Variants in ITGB6 observed in about 807,000 individuals in gnomAD.
The protein encoded by ITGB6 is integrin subunit beta 6.
In ITGB6, 80 loss-of-function variants were observed where a neutral mutation model predicts 84.5. The observed-to-expected ratio is 0.95, with a 90% CI of 0.79 to 1.14. ITGB6 has a LOEUF of 1.14. Among genes scored for constraint, ITGB6 ranks in the 50% most tolerant of loss-of-function variants. ITGB6 has a pLI of 0.00. For synonymous variants in ITGB6, 383 were observed against 354.9 expected (o/e 1.08, Z -0.89); for missense variants, 1,006 against 968.0 (o/e 1.04, Z -0.52).
intron 9 of ITGB6, 85 bp from the exon 10 acceptor site, chr2:160,137,936 A>C: frequency 6.5e-7 from 1 of 1,543,256 alleles, no homozygotes; most frequent in South Asian, 1.2e-5. Flanking sequence ...AGCTTTGCCA[A>C]AAGCATTTAC....
At chr2:160,181,280 T>C (rs1487948035) in intron 4 of ITGB6, among the ~76,000 whole-genome samples, 3 of 152,142 alleles carry the variant, frequency 2.0e-5, no homozygotes, top group African/African-American at 4.8e-5. Context: ...GAAGTCGACC[T>C]GGGACACTGG....
chr2:160,106,527 C>T (rs1696915049), intron 14 of ITGB6, among the ~76,000 whole-genome samples: 1 of 152,232 alleles, frequency 6.6e-6, no homozygotes, highest in Non-Finnish European at 1.5e-5. Flanking sequence ...TGTGAGCCAC[C>T]ATGCCCAGCC....
At chr2:160,102,010 T>C (rs1250498178) in intron 14 of ITGB6, among the ~76,000 whole-genome samples, 176 bp from the exon 15 acceptor site, 1 of 152,250 alleles carries the variant, frequency 6.6e-6, no homozygotes, top group Non-Finnish European at 1.5e-5. Context: ...CATTTTCATT[T>C]TGTTAAATAT....
At chr2:160,107,552 A>G in intron 14 of ITGB6, 127 bp downstream of exon 14, 2 of 816,786 alleles carry the variant, frequency 2.4e-6, no homozygotes, top group Non-Finnish European at 4.0e-6. Flanking sequence ...TGTTGGAGTC[A>G]TGGCGAGAGT....
chr2:160,109,734 A>G (rs1439989022), intron 13 of ITGB6, among the ~76,000 whole-genome samples: 1 of 152,218 alleles, frequency 6.6e-6, no homozygotes, highest in African/African-American at 2.4e-5. Flanking sequence ...AATGTGGCCC[A>G]TCGAGTCCAG....
At chr2:160,106,182 T>C (rs546046763) in intron 14 of ITGB6, among the ~76,000 whole-genome samples, 1 of 152,326 alleles carries the variant, frequency 6.6e-6, no homozygotes, top group South Asian at 2.1e-4. Context: ...CCATACTTAT[T>C]TGCTATCATT....
chr2:160,172,867 A>G, intron 5 of ITGB6, 137 bp from the exon 6 acceptor site: 1 of 576,920 alleles, frequency 1.7e-6, no homozygotes, highest in South Asian at 3.0e-5. Flanking sequence ...TCTATCGTGA[A>G]TTGATAATAT....
At chr2:160,134,163 C>T (rs1381961910) in intron 10 of ITGB6, among the ~76,000 whole-genome samples, 5 of 151,938 alleles carry the variant, frequency 3.3e-5, no homozygotes, top group Non-Finnish European at 7.4e-5. Context: ...ACTAGCAAGA[C>T]TAATAAAGAA....
At chr2:160,199,412 AG>A (rs1686469754) in intron 1 of ITGB6, among the ~76,000 whole-genome samples, 154 bp from the exon 2 acceptor site, 1 of 152,202 alleles carries the variant, frequency 6.6e-6, no homozygotes, top group African/African-American at 2.4e-5. Flanking sequence ...TTCACATAAA[AG>A]TTTGTATTTT....
intron 14 of ITGB6, among the ~76,000 whole-genome samples, chr2:160,104,950 T>TC (rs56405880): frequency 0.15 from 23,469 of 152,166 alleles, 2,426 homozygotes; most frequent in Non-Finnish European, 0.24. Flanking sequence ...GGCCTGACTG[T>TC]CCCTATTGTC....
intron 7 of ITGB6, among the ~76,000 whole-genome samples, chr2:160,156,971 G>A (rs1559168588): frequency 6.6e-6 from 1 of 152,124 alleles, no homozygotes; most frequent in Non-Finnish European, 1.5e-5. Context: ...AAACTGGGTG[G>A]CTTGCAACAA....
chr2:160,149,108 C>G (rs1311185250), intron 7 of ITGB6, among the ~76,000 whole-genome samples: 1 of 152,248 alleles, frequency 6.6e-6, no homozygotes, highest in African/African-American at 2.4e-5. Flanking sequence ...TCTCTCAGCA[C>G]TGCGTTTGAG....
intron 10 of ITGB6, among the ~76,000 whole-genome samples, chr2:160,135,815 A>G (rs1240562924): frequency 3.3e-5 from 5 of 152,228 alleles, no homozygotes; most frequent in South Asian, 2.1e-4. Context: ...AGGATTCCCT[A>G]TTTAATAAAT....
At chr2:160,111,746 A>C (rs1682525618) in intron 13 of ITGB6, among the ~76,000 whole-genome samples, 1 of 151,858 alleles carries the variant, frequency 6.6e-6, no homozygotes, top group Non-Finnish European at 1.5e-5. Context: ...TACCCGGCTA[A>C]TTTTTGTATT....
At chr2:160,134,094 CA>C (rs1182427352) in intron 10 of ITGB6, among the ~76,000 whole-genome samples, 1 of 152,024 alleles carries the variant, frequency 6.6e-6, no homozygotes, top group African/African-American at 2.4e-5. Flanking sequence ...TAAAACCCTT[CA>C]AAAAATCAAT....
At chr2:160,118,969 G>A (rs997408319) in intron 12 of ITGB6, among the ~76,000 whole-genome samples, 6 of 152,096 alleles carry the variant, frequency 3.9e-5, no homozygotes, top group Admixed American at 2.0e-4. Context: ...GGATGTGAAG[G>A]ATCTCTTCAA....
At chr2:160,110,281 T>C (rs2105777744) in intron 13 of ITGB6, among the ~76,000 whole-genome samples, 1 of 152,292 alleles carries the variant, frequency 6.6e-6, no homozygotes, top group East Asian at 1.9e-4. Flanking sequence ...AAAATGAAAA[T>C]AATAGTGGTA....
At chr2:160,175,082 A>G (rs1685365935) in intron 4 of ITGB6, among the ~76,000 whole-genome samples, 1 of 152,206 alleles carries the variant, frequency 6.6e-6, no homozygotes, top group African/African-American at 2.4e-5. Context: ...ACAAAAAGGC[A>G]TAGCGCCTGG....
chr2:160,122,045 G>A (rs1049520897), intron 12 of ITGB6, among the ~76,000 whole-genome samples: 1 of 151,930 alleles, frequency 6.6e-6, no homozygotes, highest in Admixed American at 6.6e-5. Flanking sequence ...TTGAAATAAA[G>A]CTTATAAAAA....
Sources: gnomAD v4.1 joint callset for allele counts (sites outside exome capture counted in the v4.1 genomes callset) on GRCh38, gnomAD v4.1.1 for gene constraint, MANE v1.5 for transcripts, NCBI Gene and HGNC (gene_info 2026-07-23, HGNC 2026-07-21) for gene names.